The following ZC3H6 variants were observed in gnomAD, a reference collection of about 807,000 sequenced individuals.
ZC3H6 encodes the protein zinc finger CCCH domain-containing protein 6.
Under a neutral mutation model 107.7 loss-of-function variants are expected in ZC3H6, and 40 were observed. The ratio of observed to expected loss-of-function variants is 0.37; its 90% CI spans 0.29 to 0.48. The LOEUF (loss-of-function observed/expected upper bound fraction) is 0.48. Among genes scored for constraint, ZC3H6 ranks in the 20% least tolerant of loss-of-function variants. The pLI, the probability that ZC3H6 is intolerant of heterozygous loss-of-function variation, is 0.98. For missense variants in ZC3H6, 1,267 were observed against 1,410.4 expected (o/e 0.90, Z 1.63); for synonymous variants, 493 against 487.9 (o/e 1.01, Z -0.14).
At chr2:112,318,054 G>T (rs2104717950) in intron 7 of ZC3H6, among the ~76,000 whole-genome samples, 1 of 152,126 alleles carries the variant, frequency 6.6e-6, no homozygotes, top group Non-Finnish European at 1.5e-5. Flanking sequence ...GATTATTTCT[G>T]CCACAACAGC....
chr2:112,294,955 C>T (rs1676204336), intron 1 of ZC3H6, among the ~76,000 whole-genome samples: 2 of 152,096 alleles, frequency 1.3e-5, no homozygotes, highest in African/African-American at 2.4e-5. Context: ...AGATACATTT[C>T]ACTTTTAAAG....
intron 1 of ZC3H6, among the ~76,000 whole-genome samples, chr2:112,287,142 G>A (rs4594443): frequency 0.65 from 98,485 of 151,204 alleles, 34,037 homozygotes; most frequent in African/African-American, 0.9. Context: ...TGATGTCATG[G>A]CACCTAGAAG....
At chr2:112,288,770 C>T (rs1165579690) in intron 1 of ZC3H6, among the ~76,000 whole-genome samples, 7 of 152,190 alleles carry the variant, frequency 4.6e-5, no homozygotes, top group African/African-American at 1.7e-4. Context: ...GGTGACCTCA[C>T]TTTGCCAGAA....
In ZC3H6 at chr2:112,331,859, T is replaced by G. The variant is rs763534405; in HGVS notation, c.2941T>G (p.Ser981Ala). The G allele has an allele frequency of 9.9e-6, 16 of 1,613,472 alleles. No homozygotes were observed. Among genetic ancestry groups the G allele is most frequent in the Non-Finnish European group, 1.1e-5 (13 of 1,179,832 alleles). The change falls in exon 12 of 12, where the codon TCT becomes GCT. Residue 981 changes from serine to alanine, a missense_variant. Physicochemically the swap from Ser to Ala is moderately conservative, Grantham distance 99. Coordinates refer to ENST00000409871, the MANE Select transcript of ZC3H6 (RefSeq NM_198581.3). Reference protein sequence around the residue: ...PRLHRLPNTESHQVVMKDSHA... With the variant: ...PRLHRLPNTEAHQVVMKDSHA... The stretch of plus-strand genomic sequence containing the variant: ...GCTTCACAGACTGCCCAATACAGAG[T>G]CTCATCAAGTGGTTATGAAGGATTC...
chr2:112,279,481 A>G (rs1275528519), intron 1 of ZC3H6, among the ~76,000 whole-genome samples: 1 of 151,102 alleles, frequency 6.6e-6, no homozygotes. Flanking sequence ...GTGAGTCTCA[A>G]AGAGTCTTTA....
intron 1 of ZC3H6, among the ~76,000 whole-genome samples, chr2:112,277,786 T>C (rs1686453272): frequency 6.6e-6 from 1 of 152,276 alleles, no homozygotes; most frequent in South Asian, 2.1e-4. Flanking sequence ...GATGGTTTTT[T>C]TTTTTCATGC....
At chr2:112,319,546 T>G (rs1676763113) in intron 7 of ZC3H6, among the ~76,000 whole-genome samples, 1 of 152,002 alleles carries the variant, frequency 6.6e-6, no homozygotes, top group African/African-American at 2.4e-5. Flanking sequence ...CTTGGGAAGC[T>G]GAGGCAGGAG....
At position 112,337,125 on chromosome 2, in the gene ZC3H6, G is replaced by T. The variant is rs1488601693; in HGVS notation, c.*4637G>T. 3.3e-5 allele frequency: 5 copies of T among 152,076 alleles called. No homozygotes were observed. Among genetic ancestry groups the T allele is most frequent in the Non-Finnish European group, 5.9e-5 (4 of 68,028 alleles). 9.4% of individuals were successfully genotyped at this position (152,076 alleles called of 1,614,324 possible). A position where few individuals can be genotyped will look rare whatever the true frequency, so the allele number is the denominator to read the frequency against. On this transcript the variant is annotated 3_prime_UTR_variant, in exon 12 of 12. Transcript: ENST00000409871. ...TGTCCCCACCCTCAGCCCAAGCAATGTGAAGACAGATTATGGCAACTTAGG... is the reference window on the plus strand; with the variant it reads ...TGTCCCCACCCTCAGCCCAAGCAATTTGAAGACAGATTATGGCAACTTAGG...
intron 1 of ZC3H6, among the ~76,000 whole-genome samples, chr2:112,276,861 C>T (rs1686435920): frequency 6.6e-6 from 1 of 152,162 alleles, no homozygotes; most frequent in African/African-American, 2.4e-5. Flanking sequence ...GGCTTTCATT[C>T]ATTAAACTTA....
chr2:112,276,812 A>G (rs1313322885), intron 1 of ZC3H6, among the ~76,000 whole-genome samples: 2 of 152,292 alleles, frequency 1.3e-5, no homozygotes, highest in African/African-American at 2.4e-5. Context: ...TTATAATTCA[A>G]ATTTTCATTC....
chr2:112,281,670 A>G (rs1194770929), intron 1 of ZC3H6, among the ~76,000 whole-genome samples: 1 of 152,228 alleles, frequency 6.6e-6, no homozygotes, highest in African/African-American at 2.4e-5. Flanking sequence ...ATGAGAAAGT[A>G]GGCACAATTC....
At chr2:112,303,082 G>A (rs972051592) in intron 2 of ZC3H6, 147 bp from the exon 3 acceptor site, 13 of 971,560 alleles carry the variant, frequency 1.3e-5, no homozygotes, top group Middle Eastern at 2.3e-4. Context: ...GGCCTTTGGG[G>A]CAAGAATTTT....
At chr2:112,309,669 A>G (rs187026619) in intron 3 of ZC3H6, among the ~76,000 whole-genome samples, 126 of 152,372 alleles carry the variant, frequency 8.3e-4, no homozygotes, top group Non-Finnish European at 1.5e-3. Context: ...AGGCTAAAGC[A>G]TAAAGATAAC....
chr2:112,275,878 C>G lies in ZC3H6; in HGVS notation c.-117C>G. 1.3e-6 allele frequency: 1 copy of G among 777,696 alleles called. No individual in the cohort carries two copies. Among genetic ancestry groups the G allele is most frequent in the East Asian group, 3.0e-5 (1 of 33,246 alleles). 48.2% of individuals were successfully genotyped at this position (777,696 alleles called of 1,614,324 possible). A position where few individuals can be genotyped will look rare whatever the true frequency, so the allele number is the denominator to read the frequency against. ...ACCGTGAGTTTTTACCACTTCGTCA[C>G]CTGTCGGCGGCGGCCGGGAGCAGGT... On this transcript the variant is annotated 5_prime_UTR_variant, in exon 1 of 12. Coordinates refer to ENST00000409871, the MANE Select transcript of ZC3H6 (RefSeq NM_198581.3).
At chr2:112,297,273 TATATC>T (rs1208776356) in intron 1 of ZC3H6, among the ~76,000 whole-genome samples, 5 of 152,342 alleles carry the variant, frequency 3.3e-5, no homozygotes, top group South Asian at 4.1e-4. Flanking sequence ...AGATTTGAGA[TATATC>T]ATATCATATC....
intron 1 of ZC3H6, among the ~76,000 whole-genome samples, chr2:112,288,415 G>C (rs997066258): frequency 6.6e-6 from 1 of 152,158 alleles, no homozygotes; most frequent in Non-Finnish European, 1.5e-5. Flanking sequence ...CTTTCGTTGA[G>C]GGCTATCTAC....
chr2:112,323,786 A>G (rs2104721851), intron 9 of ZC3H6, among the ~76,000 whole-genome samples: 1 of 152,346 alleles, frequency 6.6e-6, no homozygotes, highest in Non-Finnish European at 1.5e-5. Flanking sequence ...TATATAGTAG[A>G]TTCTAATTTT....
At chr2:112,301,868 G>A (rs1008461100) in intron 2 of ZC3H6, among the ~76,000 whole-genome samples, 1 of 150,962 alleles carries the variant, frequency 6.6e-6, no homozygotes, top group African/African-American at 2.4e-5. Context: ...TAATAAAAGG[G>A]AAAAGAAAAA....
Position 112,332,440 on chromosome 2 carries a change from G to C in ZC3H6, c.3522G>C (p.Leu1174=), listed in dbSNP as rs1371046017. The change falls in exon 12 of 12, where the codon CTG becomes CTC. Residue 1174 remains leucine (L), a synonymous_variant. Coordinates refer to ENST00000409871, the MANE Select transcript of ZC3H6 (RefSeq NM_198581.3). ...GTAGAGAAACAGATGACAAATCTCT[G>C]AAAGAGGTTTTTAAAACTTTTGATC... ...DPGRETDDKS[L]KEVFKTFDPT... 6.2e-7 allele frequency: 1 copy of C among 1,610,306 alleles called. No individual in the cohort carries two copies. Among genetic ancestry groups the C allele is most frequent in the East Asian group, 2.2e-5 (1 of 44,886 alleles).
Sources: allele counts gnomAD v4.1 joint callset (sites outside exome capture counted in the v4.1 genomes callset), GRCh38; gene constraint gnomAD v4.1.1; transcripts MANE v1.5; gene names NCBI Gene and HGNC (gene_info 2026-07-23, HGNC 2026-07-21).